Variants in RIN3 observed in about 807,000 individuals in gnomAD.
The protein encoded by RIN3 is RAB5 interacting protein 3.
A neutral mutation model predicts 76.3 loss-of-function variants in RIN3; 54 were observed. That is an observed-to-expected ratio of 0.71 (90% CI 0.57 to 0.89). The LOEUF is 0.89. Ranked by LOEUF, RIN3 falls within the 40% of genes least tolerant of loss-of-function variation. The pLI, the probability that RIN3 is intolerant of heterozygous loss-of-function variation, is 0.00. For missense variants in RIN3, 1,256 were observed against 1,322.1 expected, an observed-to-expected ratio of 0.95 and a Z score of 0.78; for synonymous variants, 576 against 564.0, an observed-to-expected ratio of 1.02 and a Z score of -0.30.
Position 92,652,122 on chromosome 14 carries a change from C to G in RIN3, c.1073C>G (p.Ala358Gly). Residue 358 changes from alanine to glycine, a missense_variant, in exon 6 of 10, where the codon GCG (alanine) becomes GGG (glycine). Transcript: ENST00000216487. The surrounding 1 kb of genome is among the most constrained non-coding windows in gnomAD (Gnocchi z 6.4). ...TAGLGPLREEAMKPGAASSPL... is the reference protein window; with the variant it reads ...TAGLGPLREEGMKPGAASSPL... ...GGCCTGGGCCCCCTCAGGGAGGAAG[C>G]GATGAAGCCAGGGGCAGCCTCCAGT... 1 of 1,608,254 alleles carries G rather than the reference C, an allele frequency of 6.2e-7. No homozygotes were observed. The highest frequency in any genetic ancestry group is 8.5e-7 in the Non-Finnish European group (1 of 1,179,602).
Position 92,687,923 on chromosome 14 carries a change from C to A in RIN3, c.2632-3C>A. 6.5e-7 allele frequency: 1 copy of A among 1,540,340 alleles called. No individual in the cohort carries two copies. The highest frequency in any genetic ancestry group is 8.7e-7 in the Non-Finnish European group (1 of 1,143,754). On this transcript the variant is annotated splice_region_variant and splice_polypyrimidine_tract_variant and intron_variant, in intron 9 of 9. Coordinates refer to ENST00000216487, the MANE Select transcript of RIN3 (RefSeq NM_024832.5). Reference sequence around the variant, plus strand: ...TGACCACAGGCCCCTCGCGTCTCCGCAGGACTTCATCTGCGTGTCGTACCT... The same window carrying A: ...TGACCACAGGCCCCTCGCGTCTCCGAAGGACTTCATCTGCGTGTCGTACCT...
intron 4 of RIN3, among the ~76,000 whole-genome samples, chr14:92,640,104 A>G (rs374312974): frequency 1.0e-3 from 78 of 75,148 alleles, no homozygotes; most frequent in Admixed American, 1.4e-3. Context: ...GTGTTCGTCG[A>G]GGGCTGCCTG....
At chr14:92,665,523 T>C (rs35028897) in intron 7 of RIN3, among the ~76,000 whole-genome samples, 2 of 151,808 alleles carry the variant, frequency 1.3e-5, no homozygotes, top group Non-Finnish European at 2.9e-5. Context: ...GGACTACAGG[T>C]GCCCACCACC....
intron 4 of RIN3, among the ~76,000 whole-genome samples, chr14:92,627,113 AG>A (rs1273958897): frequency 6.6e-6 from 1 of 152,134 alleles, no homozygotes. Flanking sequence ...GGACTATCAG[AG>A]GGGATCTGAC....
chr14:92,539,286 C>T (rs1159850897), intron 1 of RIN3, among the ~76,000 whole-genome samples: 2 of 152,156 alleles, frequency 1.3e-5, no homozygotes, highest in East Asian at 3.8e-4. Flanking sequence ...TAAATACTTA[C>T]TGGGCGAATA....
intron 3 of RIN3, among the ~76,000 whole-genome samples, chr14:92,584,038 G>A (rs894993561): frequency 6.6e-6 from 1 of 152,164 alleles, no homozygotes; most frequent in Non-Finnish European, 1.5e-5. Context: ...CAGTTCCCTG[G>A]CCCAGGAGTT....
intron 3 of RIN3, among the ~76,000 whole-genome samples, chr14:92,595,951 C>A (rs1885136745): frequency 6.6e-6 from 1 of 152,164 alleles, no homozygotes; most frequent in Non-Finnish European, 1.5e-5. Flanking sequence ...GACATGAGAC[C>A]TTCTGGAAAG....
chr14:92,584,265 A>G (rs113001219), intron 3 of RIN3, among the ~76,000 whole-genome samples: 8 of 152,212 alleles, frequency 5.3e-5, no homozygotes, highest in African/African-American at 1.9e-4. Flanking sequence ...TGTATATTGC[A>G]ATGCAGGCTG....
Position 92,555,943 on chromosome 14 carries a change from G to T in RIN3, c.237G>T (p.Arg79=), listed in dbSNP as rs768509404. 32 of 1,611,980 alleles carry T rather than the reference G, an allele frequency of 2.0e-5. No individual in the cohort carries two copies. Among genetic ancestry groups the T allele is most frequent in the Non-Finnish European group, 2.6e-5 (31 of 1,179,966 alleles). Residue 79 remains arginine, a synonymous_variant, in exon 2 of 10, where the codon CGG becomes CGT. Coordinates refer to ENST00000216487, the MANE Select transcript of RIN3 (RefSeq NM_024832.5). ...GQAEVARILH[R]VVAGMFLVRR... ...CAGAGGTGGCCAGGATCCTGCACCG[G>T]GTGGTGGCTGGGGTGAGTGGGGGCG...
intron 1 of RIN3, among the ~76,000 whole-genome samples, chr14:92,542,161 G>A (rs1566833979): frequency 6.6e-6 from 1 of 152,158 alleles, no homozygotes; most frequent in Non-Finnish European, 1.5e-5. Flanking sequence ...GGTGGCACAT[G>A]CCTGTGATCC....
At chr14:92,585,933 G>A (rs940489196) in intron 3 of RIN3, among the ~76,000 whole-genome samples, 3 of 152,212 alleles carry the variant, frequency 2.0e-5, no homozygotes, top group Non-Finnish European at 4.4e-5. Flanking sequence ...TGATGGCATC[G>A]TGGTAATCTT....
chr14:92,551,173 T>C (rs1178391303), intron 1 of RIN3, among the ~76,000 whole-genome samples: 1 of 152,262 alleles, frequency 6.6e-6, no homozygotes, highest in Non-Finnish European at 1.5e-5. Flanking sequence ...CATCTAAGTG[T>C]CCTGTTTGAA....
intron 3 of RIN3, among the ~76,000 whole-genome samples, chr14:92,582,266 C>T (rs1193230004): frequency 2.6e-5 from 4 of 152,250 alleles, no homozygotes; most frequent in African/African-American, 9.6e-5. Flanking sequence ...GGCCGAATCT[C>T]ACTTTCCATT....
intron 4 of RIN3, among the ~76,000 whole-genome samples, chr14:92,638,189 G>A (rs1449667111): frequency 6.6e-6 from 1 of 152,158 alleles, no homozygotes; most frequent in East Asian, 1.9e-4. Flanking sequence ...TCCATGGTGT[G>A]GCCTCGAAGG....
At chr14:92,621,534 A>G (rs1296036693) in intron 4 of RIN3, among the ~76,000 whole-genome samples, 1 of 152,198 alleles carries the variant, frequency 6.6e-6, no homozygotes, top group Admixed American at 6.5e-5. Context: ...GACAACTTGA[A>G]AACTGTTGGG....
chr14:92,565,104 C>T lies in RIN3; in HGVS notation c.249+9149C>T, dbSNP rs1897883437. ...CTCCCTGTGTTCCCTCACTGCTCCA[C>T]CTGGCTCATCTGCTCTGCCTGGCTT... is the stretch of plus-strand genomic sequence containing the variant. On this transcript the variant is annotated intron_variant, in intron 2 of 9. Coordinates refer to ENST00000216487, the MANE Select transcript of RIN3 (RefSeq NM_024832.5). Among the ~76,000 whole-genome samples the T allele has an allele frequency of 2.6e-5, 4 of 152,232 alleles. No individual in the cohort carries two copies. The South Asian group carries it at 8.3e-4, about 31-fold the overall frequency.
At chr14:92,530,317 A>G (rs2140003106) in intron 1 of RIN3, among the ~76,000 whole-genome samples, 1 of 152,292 alleles carries the variant, frequency 6.6e-6, no homozygotes, top group African/African-American at 2.4e-5. Flanking sequence ...GTTCGAAAGG[A>G]CAGTTTCCAA....
At chr14:92,575,439 G>A (rs1008587467) in intron 2 of RIN3, among the ~76,000 whole-genome samples, 1 of 152,170 alleles carries the variant, frequency 6.6e-6, no homozygotes, top group African/African-American at 2.4e-5. Context: ...CAAAAGAATG[G>A]GTGCTCTATC....
intron 4 of RIN3, among the ~76,000 whole-genome samples, chr14:92,625,643 A>G (rs76070151): frequency 2.0e-5 from 3 of 151,902 alleles, no homozygotes; most frequent in African/African-American, 7.2e-5. Context: ...CTGTCCTCCC[A>G]CTCTCTCATT....
Sources: gnomAD v4.1 joint callset for allele counts (sites outside exome capture counted in the v4.1 genomes callset) on GRCh38, gnomAD v4.1.1 for gene constraint, Gnocchi (gnomAD v3.1) non-coding constraint, MANE v1.5 for transcripts, NCBI Gene and HGNC (gene_info 2026-07-23, HGNC 2026-07-21) for gene names.